The following IGFN1 variants were observed in gnomAD, a reference collection of about 807,000 sequenced individuals.
The protein encoded by IGFN1 is immunoglobulin-like and fibronectin type III domain-containing protein 1.
IGFN1 carries 253 observed loss-of-function variants against 289.5 expected under a neutral mutation model. That is an observed-to-expected ratio of 0.87 (90% CI 0.79 to 0.97). IGFN1 has a LOEUF of 0.97. Among genes scored for constraint, IGFN1 ranks in the 50% least tolerant of loss-of-function variants. IGFN1 has a pLI of 0.00. For synonymous variants in IGFN1, 1,706 were observed against 1,788.5 expected (o/e 0.95, Z 1.16); for missense variants, 4,470 against 4,686.1 (o/e 0.95, Z 1.35).
At position 201,213,220 on chromosome 1, in the gene IGFN1, G is replaced by C; in HGVS notation, c.8327G>C (p.Gly2776Ala). 1 of 1,551,676 alleles carries C rather than the reference G, an allele frequency of 6.4e-7. No individual in the cohort carries two copies. The highest frequency in any genetic ancestry group is 2.4e-5 in the East Asian group (1 of 40,920). Residue 2776 changes from glycine (G) to alanine (A), a missense_variant, in exon 12 of 24, where the codon GGG becomes GCG. Physicochemically the swap from Gly to Ala is moderately conservative, Grantham distance 60 (BLOSUM62 0). Around this residue, in one of 8 missense-constraint regions of IGFN1, gnomAD observed 2,218 missense variants for 2,114.1 expected, o/e 1.05. Coordinates refer to ENST00000335211, the MANE Select transcript of IGFN1 (RefSeq NM_001164586.2). ...CAGAGAGGAGGAAAGAGGTCCCTCG[G>C]GGAGCAGGGGTCCCTGGAGGCTGAG... Reference protein sequence around the residue: ...KGQRGGKRSLGEQGSLEAENG... With the variant: ...KGQRGGKRSLAEQGSLEAENG...
In IGFN1 at chr1:201,213,319, G is replaced by A. The variant is rs1265757576; in HGVS notation, c.8426G>A (p.Gly2809Asp). The change falls in exon 12 of 24, where the codon GGC becomes GAC. Residue 2809 changes from glycine (G) to aspartate (D), a missense_variant. Gly to Asp is a moderately conservative substitution (Grantham distance 94). Around this residue, in one of 8 missense-constraint regions of IGFN1, gnomAD observed 2,218 missense variants for 2,114.1 expected, o/e 1.05. Transcript: ENST00000335211. ...GQGVEEAGRS[G>D]RRPGSLRSRS... The stretch of plus-strand genomic sequence containing the variant: ...GGAGTGGAAGAGGCTGGGAGGTCAG[G>A]CAGGAGGCCTGGCTCACTCAGGAGC... The A allele has an allele frequency of 6.3e-7, 1 of 1,583,456 alleles. No individual in the cohort carries two copies. Among genetic ancestry groups the A allele is most frequent in the Non-Finnish European group, 8.6e-7 (1 of 1,165,250 alleles).
chr1:201,227,988 A>G (rs1031634588), intron 23 of IGFN1, among the ~76,000 whole-genome samples: 3 of 152,210 alleles, frequency 2.0e-5, no homozygotes, highest in Non-Finnish European at 4.4e-5. Context: ...TTTTCCTTCG[A>G]TAGTACTTAA....
Position 201,215,832 on chromosome 1 carries a change from G to A in IGFN1, c.9289G>A (p.Val3097Ile). ...TGTGCAGGCCGAGCTCACTCTGCAAGTCATAGGTACCAGCCCTGTCTTCCC... is the reference window on the plus strand; with the variant it reads ...TGTGCAGGCCGAGCTCACTCTGCAAATCATAGGTACCAGCCCTGTCTTCCC... Reference protein sequence around the residue: ...GSVQAELTLQVIDKPDPPQGP... With the variant: ...GSVQAELTLQIIDKPDPPQGP... The change falls in exon 15 of 24, where the codon GTC becomes ATC. Residue 3097 changes from valine (V) to isoleucine (I), a missense_variant. Transcript: ENST00000335211. 6.2e-7 allele frequency: 1 copy of A among 1,601,324 alleles called. No individual in the cohort carries two copies. Among genetic ancestry groups the A allele is most frequent in the Non-Finnish European group, 8.5e-7 (1 of 1,173,642 alleles).
intron 18 of IGFN1, among the ~76,000 whole-genome samples, chr1:201,220,017 T>C (rs1399110383): frequency 1.3e-5 from 2 of 151,108 alleles, no homozygotes; most frequent in African/African-American, 2.4e-5. Context: ...TCTCTCTCTC[T>C]CCCCCTTCCT....
At position 201,212,663 on chromosome 1, in the gene IGFN1, G is replaced by A. The variant is rs1397380678; in HGVS notation, c.7770G>A (p.Gly2590=). 6.5e-7 allele frequency: 1 copy of A among 1,542,690 alleles called. No homozygotes were observed. The highest frequency in any genetic ancestry group is 1.4e-5 in the African/African-American group (1 of 72,824). Residue 2590 remains glycine, a synonymous_variant, in exon 12 of 24, where the codon GGG becomes GGA. Coordinates refer to ENST00000335211, the MANE Select transcript of IGFN1 (RefSeq NM_001164586.2). ...SLLGGRRVGS[G]SSVGTGQDLD... ...TGGGAGGCAGAAGGGTAGGCTCAGG[G>A]AGTTCAGTGGGGACAGGTCAGGATC... is the stretch of plus-strand genomic sequence containing the variant.
chr1:201,212,668 C>T lies in IGFN1; in HGVS notation c.7775C>T (p.Ser2592Leu), dbSNP rs953589920. Residue 2592 changes from serine (S) to leucine (L), a missense_variant, in exon 12 of 24, where the codon TCA (serine) becomes TTA (leucine). Ser to Leu is a moderately radical substitution (Grantham distance 145). This residue lies in a region of IGFN1 where 2,218 missense variants were observed against 2,114.1 expected (regional missense o/e 1.05). Transcript: ENST00000335211. ...LGGRRVGSGS[S>L]VGTGQDLDSG... ...GGCAGAAGGGTAGGCTCAGGGAGTT[C>T]AGTGGGGACAGGTCAGGATCTGGAC... 22 of 1,542,862 alleles carry T rather than the reference C, an allele frequency of 1.4e-5. 1 individual carries two copies. The East Asian group carries it at 5.1e-4, about 36-fold the overall frequency.
intron 18 of IGFN1, among the ~76,000 whole-genome samples, chr1:201,220,057 GTTC>G (rs1206779846): frequency 4.4e-5 from 1 of 22,538 alleles, no homozygotes. Context: ...TTCTCTTTCT[GTTC>G]TTTTTTTTCC....
Position 201,216,763 on chromosome 1 carries a change from A to T in IGFN1, c.9595+10A>T. ...TTGGTGGCTCCTGAGGGTGAGAGAAAAGGCTGGGGCTGGGGGTGGGGGACA... is the reference window on the plus strand; with the variant it reads ...TTGGTGGCTCCTGAGGGTGAGAGAATAGGCTGGGGCTGGGGGTGGGGGACA... On this transcript the variant is annotated intron_variant, in intron 16 of 23. Coordinates refer to ENST00000335211, the MANE Select transcript of IGFN1 (RefSeq NM_001164586.2). The T allele has an allele frequency of 6.3e-7, 1 of 1,580,948 alleles. No homozygotes were observed.
Position 201,206,907 on chromosome 1 carries a change from G to A in IGFN1, c.2014G>A (p.Gly672Ser). ...GEAGDSNGAG[G>S]PGTLELTGGR... ...AGCTGGAGACAGCAATGGGGCAGGA[G>A]GTCCTGGCACCCTGGAGCTTACTGG... The change falls in exon 12 of 24, where the codon GGT becomes AGT. Residue 672 changes from glycine (G) to serine (S), a missense_variant. This residue lies in a region of IGFN1 where 2,011 missense variants were observed against 1,953.4 expected (regional missense o/e 1.03). Transcript: ENST00000335211. 1 of 1,536,456 alleles carries A rather than the reference G, an allele frequency of 6.5e-7. No homozygotes were observed. Among genetic ancestry groups the A allele is most frequent in the Non-Finnish European group, 8.7e-7 (1 of 1,146,536 alleles).
At chr1:201,200,503 A>G in intron 8 of IGFN1, 92 bp downstream of exon 8, 2 of 986,842 alleles carry the variant, frequency 2.0e-6, no homozygotes, top group Non-Finnish European at 3.0e-6. Context: ...TTGGAGGCAG[A>G]ACTTAGGAAA....
intron 1 of IGFN1, among the ~76,000 whole-genome samples, chr1:201,191,450 G>A (rs1666654893): frequency 6.6e-6 from 1 of 152,190 alleles, no homozygotes; most frequent in African/African-American, 2.4e-5. Flanking sequence ...GACTGTCCCA[G>A]GATCCAGTGC....
In IGFN1 at chr1:201,211,138, C is replaced by A; in HGVS notation, c.6245C>A (p.Ser2082Ter). 2 of 1,527,254 alleles carry A rather than the reference C, an allele frequency of 1.3e-6. No homozygotes were observed. Among genetic ancestry groups the A allele is most frequent in the Non-Finnish European group, 1.8e-6 (2 of 1,141,684 alleles). 94.6% of individuals were successfully genotyped at this position (1,527,254 alleles called of 1,614,324 possible). A position where few individuals can be genotyped will look rare whatever the true frequency, so the allele number is the denominator to read the frequency against. The change falls in exon 12 of 24, where the codon TCA (serine) becomes TAA (stop). Residue 2082 changes from serine (S) to a stop codon, truncating the protein, a stop_gained. Coordinates refer to ENST00000335211, the MANE Select transcript of IGFN1 (RefSeq NM_001164586.2). LOFTEE classifies it high-confidence loss of function. ...TTAGGGGCTCCTAAGGGAATGGGTT[C>A]AGGGAGTAAGACAGGTTTCAGGGAT... ...KDLGAPKGMG[S>*]GSKTGFRDGL...
chr1:201,207,134 C>T lies in IGFN1; in HGVS notation c.2241C>T (p.Ile747=). 2.6e-6 allele frequency: 4 copies of T among 1,536,944 alleles called. No homozygotes were observed. Among genetic ancestry groups the T allele is most frequent in the Non-Finnish European group, 3.5e-6 (4 of 1,146,848 alleles). Residue 747 remains isoleucine, a synonymous_variant, in exon 12 of 24, where the codon ATC becomes ATT. Coordinates refer to ENST00000335211, the MANE Select transcript of IGFN1 (RefSeq NM_001164586.2). ...TTCTGGGAGATGGGAGTCCTGAGAT[C>T]AAAGCTGAAGACTCACTGCAGGAGG... ...KFLLGDGSPE[I]KAEDSLQEAD...
chr1:201,220,818 C>A (rs561639621), intron 18 of IGFN1, among the ~76,000 whole-genome samples: 48 of 152,324 alleles, frequency 3.2e-4, no homozygotes, highest in African/African-American at 1.1e-3. Context: ...GCCTAGACTG[C>A]ACCCCAGACT....
chr1:201,214,973 G>A, intron 13 of IGFN1, 40 bp from the exon 14 acceptor site: 1 of 1,601,482 alleles, frequency 6.2e-7, no homozygotes, highest in Non-Finnish European at 8.5e-7. Flanking sequence ...AACTGGGATG[G>A]GAGTGGGGTG....
In IGFN1 at chr1:201,212,626, G is replaced by C. The variant is rs1667877691; in HGVS notation, c.7733G>C (p.Gly2578Ala). 2 of 1,542,988 alleles carry C rather than the reference G, an allele frequency of 1.3e-6. No homozygotes were observed. The highest frequency in any genetic ancestry group is 1.8e-6 in the Non-Finnish European group (2 of 1,142,604). Residue 2578 changes from glycine (G) to alanine (A), a missense_variant, in exon 12 of 24, where the codon GGG (glycine) becomes GCG (alanine). This residue lies in a region of IGFN1 where 2,218 missense variants were observed against 2,114.1 expected (regional missense o/e 1.05). Coordinates refer to ENST00000335211, the MANE Select transcript of IGFN1 (RefSeq NM_001164586.2). ...GGGGGGTTGGCATCTCAGGGAGGTG[G>C]GGACTCACTTTTGGGAGGCAGAAGG... ...GQGGLASQGG[G>A]DSLLGGRRVG...
chr1:201,215,457 CT>C, intron 14 of IGFN1, 81 bp from the exon 15 acceptor site: 2 of 1,308,652 alleles, frequency 1.5e-6, no homozygotes, highest in East Asian at 4.7e-5. Context: ...TTCCCCCAAA[CT>C]TCCTTCTCTG....
intron 19 of IGFN1, chr1:201,222,167 G>A (rs1159806953): frequency 6.1e-6 from 1 of 163,848 alleles, no homozygotes; most frequent in Non-Finnish European, 1.3e-5. Context: ...GTTCAGAATG[G>A]GACATGCCCA....
At chr1:201,195,811 T>C in intron 3 of IGFN1, 28 bp from the exon 4 acceptor site, 1 of 1,545,016 alleles carries the variant, frequency 6.5e-7, no homozygotes, top group Non-Finnish European at 8.7e-7. Context: ...AACTTGTCAG[T>C]CTCCCTACTC....
Sources: allele counts gnomAD v4.1 joint callset (sites outside exome capture counted in the v4.1 genomes callset), GRCh38; gene constraint gnomAD v4.1.1; regional missense constraint gnomAD v4.1.1; transcripts MANE v1.5; gene names NCBI Gene and HGNC (gene_info 2026-07-23, HGNC 2026-07-21).